KCNIP4: variants seen among roughly 807,000 people sequenced by gnomAD.
The protein encoded by KCNIP4 is Kv channel-interacting protein 4.
In KCNIP4, 12 loss-of-function variants were observed where a neutral mutation model predicts 34.0. That is an observed-to-expected ratio of 0.35 (90% CI 0.23 to 0.57). The LOEUF (loss-of-function observed/expected upper bound fraction) is 0.57. Among genes scored for constraint, KCNIP4 ranks in the 20% least tolerant of loss-of-function variants. KCNIP4 has a pLI of 0.83. For missense variants in KCNIP4, 238 were observed against 311.7 expected (o/e 0.76, Z 1.78); for synonymous variants, 124 against 102.2 (o/e 1.21, Z -1.29).
intron 1 of KCNIP4, among the ~76,000 whole-genome samples, chr4:20,925,958 T>A (rs957471635): frequency 1.3e-5 from 2 of 152,186 alleles, no homozygotes; most frequent in African/African-American, 4.8e-5. Context: ...TAAAAGCTCA[T>A]TAGAGACAAA....
intron 1 of KCNIP4, among the ~76,000 whole-genome samples, chr4:21,703,947 G>A (rs1713066745): frequency 6.6e-6 from 1 of 152,270 alleles, no homozygotes. Flanking sequence ...CAGTTCTCAA[G>A]TTTGTGAGGT....
chr4:21,493,459 T>C (rs1278825279), intron 1 of KCNIP4, among the ~76,000 whole-genome samples: 1 of 150,608 alleles, frequency 6.6e-6, no homozygotes, highest in Non-Finnish European at 1.5e-5. Flanking sequence ...TCTTCGGAAT[T>C]CTCTAGAAAA....
chr4:21,229,942 G>T (rs1052846395), intron 1 of KCNIP4, among the ~76,000 whole-genome samples: 1 of 152,150 alleles, frequency 6.6e-6, no homozygotes, highest in Admixed American at 6.6e-5. Flanking sequence ...ATAAGCAACT[G>T]TATTGGGTTA....
At chr4:20,808,117 T>C (rs559021265) in intron 3 of KCNIP4, among the ~76,000 whole-genome samples, 76 of 152,298 alleles carry the variant, frequency 5.0e-4, no homozygotes, top group African/African-American at 1.7e-3. Flanking sequence ...ACAAATCTCT[T>C]TTTTGGTAAA....
intron 1 of KCNIP4, among the ~76,000 whole-genome samples, chr4:21,417,093 C>T (rs957732791): frequency 6.6e-6 from 1 of 152,154 alleles, no homozygotes; most frequent in Non-Finnish European, 1.5e-5. Flanking sequence ...GATTGTAGCA[C>T]CCATCATTCT....
chr4:21,428,152 G>A lies in KCNIP4; in HGVS notation c.61+520419C>T, dbSNP rs185358154. ...GTGGGCTTTTAGAGGGGTAGGACTCGGTCAAATGGATGGTAAAACAAAACA... is the reference window on the plus strand; with the variant it reads ...GTGGGCTTTTAGAGGGGTAGGACTCAGTCAAATGGATGGTAAAACAAAACA... On this transcript the variant is annotated intron_variant, in intron 1 of 8. Coordinates refer to ENST00000382152, the MANE Select transcript of KCNIP4 (RefSeq NM_025221.6). Among the ~76,000 whole-genome samples the A allele has an allele frequency of 3.3e-5, 5 of 152,156 alleles. No individual in the cohort carries two copies. In the East Asian group the frequency reaches 7.7e-4, roughly 24 times the overall value.
At chr4:21,049,193 GC>G (rs1408192987) in intron 1 of KCNIP4, among the ~76,000 whole-genome samples, 1 of 151,346 alleles carries the variant, frequency 6.6e-6, no homozygotes, top group Non-Finnish European at 1.5e-5. Context: ...CTCGTGATCC[GC>G]CCGCCTCGGC....
At chr4:20,954,709 T>C (rs1198333487) in intron 1 of KCNIP4, among the ~76,000 whole-genome samples, 2 of 152,320 alleles carry the variant, frequency 1.3e-5, no homozygotes, top group Non-Finnish European at 2.9e-5. Flanking sequence ...CAGGGCTTTA[T>C]CCTTCTGGGC....
intron 1 of KCNIP4, among the ~76,000 whole-genome samples, chr4:21,507,795 A>T (rs1180512326): frequency 6.6e-6 from 1 of 152,210 alleles, no homozygotes; most frequent in East Asian, 1.9e-4. Context: ...ATAATAAGAA[A>T]CAAGCAACAT....
chr4:21,442,534 A>G (rs990919333), intron 1 of KCNIP4, among the ~76,000 whole-genome samples: 3 of 152,214 alleles, frequency 2.0e-5, no homozygotes, highest in Non-Finnish European at 4.4e-5. Flanking sequence ...ATGTTAGTCC[A>G]TCTGTTACTT....
intron 1 of KCNIP4, among the ~76,000 whole-genome samples, chr4:21,264,105 G>A (rs947553921): frequency 1.1e-5 from 1 of 88,666 alleles, no homozygotes; most frequent in African/African-American, 4.3e-5. Flanking sequence ...TCATCATGCA[G>A]CCTCTGTCCT....
intron 1 of KCNIP4, among the ~76,000 whole-genome samples, chr4:21,188,495 G>GT (rs1449521162): frequency 1.3e-5 from 2 of 151,734 alleles, no homozygotes; most frequent in Non-Finnish European, 2.9e-5. Context: ...CATTTCTCAT[G>GT]TTTTTTGTTT....
chr4:21,944,851 T>G (rs1386234090), intron 1 of KCNIP4, among the ~76,000 whole-genome samples: 1 of 114,292 alleles, frequency 8.7e-6, no homozygotes, highest in South Asian at 2.2e-4. Context: ...TGAATACTTT[T>G]GGAATGAAAT....
chr4:21,213,233 A>G (rs1246215523), intron 1 of KCNIP4, among the ~76,000 whole-genome samples: 2 of 152,066 alleles, frequency 1.3e-5, no homozygotes, highest in African/African-American at 2.4e-5. Context: ...GAATCCAATC[A>G]AAGTCCAGAA....
At chr4:20,899,449 G>A (rs997297455) in intron 1 of KCNIP4, among the ~76,000 whole-genome samples, 1 of 152,110 alleles carries the variant, frequency 6.6e-6, no homozygotes, top group Non-Finnish European at 1.5e-5. Context: ...CAGCTGAGGG[G>A]TTATGTCCTG....
intron 1 of KCNIP4, among the ~76,000 whole-genome samples, chr4:21,356,602 C>T (rs1718631990): frequency 6.6e-6 from 1 of 152,084 alleles, no homozygotes; most frequent in South Asian, 2.1e-4. Context: ...GGGAATCCAG[C>T]TTGCAAGGGA....
intron 1 of KCNIP4, among the ~76,000 whole-genome samples, chr4:21,796,027 C>T (rs750817193): frequency 5.9e-5 from 9 of 152,124 alleles, no homozygotes; most frequent in Non-Finnish European, 5.9e-5. Context: ...TGAGATTGTG[C>T]CACTGCACTT....
intron 1 of KCNIP4, among the ~76,000 whole-genome samples, chr4:21,919,931 G>T (rs1578144432): frequency 6.6e-6 from 1 of 152,160 alleles, no homozygotes; most frequent in East Asian, 1.9e-4. Flanking sequence ...TCATAGCGGA[G>T]ATTTATGTTA....
chr4:20,924,165 T>G (rs1729676763), intron 1 of KCNIP4, among the ~76,000 whole-genome samples: 1 of 152,216 alleles, frequency 6.6e-6, no homozygotes, highest in Admixed American at 6.5e-5. Context: ...TAAACAGTCT[T>G]GAAGCTTTTG....
Sources: gnomAD v4.1 joint callset for allele counts (sites outside exome capture counted in the v4.1 genomes callset) on GRCh38, gnomAD v4.1.1 for gene constraint, MANE v1.5 for transcripts, NCBI Gene and HGNC (gene_info 2026-07-23, HGNC 2026-07-21) for gene names.